PTPRD: variants seen among roughly 807,000 people sequenced by gnomAD.
The protein encoded by PTPRD is receptor-type tyrosine-protein phosphatase delta.
PTPRD carries 34 observed loss-of-function variants against 214.5 expected under a neutral mutation model. The ratio of observed to expected loss-of-function variants is 0.16; its 90% CI spans 0.12 to 0.21. PTPRD has a LOEUF of 0.21. Among genes scored for constraint, PTPRD ranks in the 10% least tolerant of loss-of-function variants. The pLI is 1.00. For synonymous variants in PTPRD, 1,128 were observed against 845.7 expected (o/e 1.33, Z -5.79); for missense variants, 2,545 against 2,398.7 (o/e 1.06, Z -1.27).
At chr9:8,856,032 A>G (rs749947) in intron 11 of PTPRD, among the ~76,000 whole-genome samples, 2,234 of 152,310 alleles carry the variant, frequency 0.015, 45 homozygotes, top group African/African-American at 0.051. Flanking sequence ...AGGTAGGGAA[A>G]ATTTTATTGT....
chr9:9,415,389 A>T (rs1406395259), intron 8 of PTPRD, among the ~76,000 whole-genome samples: 2 of 152,048 alleles, frequency 1.3e-5, no homozygotes, highest in South Asian at 2.1e-4. Flanking sequence ...CACAAGAATT[A>T]CCTGACCCCT....
intron 9 of PTPRD, among the ~76,000 whole-genome samples, chr9:9,338,376 AAAC>A (rs1406311308): frequency 6.6e-6 from 1 of 152,232 alleles, no homozygotes; most frequent in Non-Finnish European, 1.5e-5. Context: ...GGCATATTTT[AAAC>A]AACGAGTTGA....
chr9:10,158,134 G>A (rs898759774), intron 3 of PTPRD, among the ~76,000 whole-genome samples: 2 of 151,756 alleles, frequency 1.3e-5, no homozygotes, highest in South Asian at 2.1e-4. Context: ...TCAGACCCCC[G>A]CTTAACTGGG....
chr9:8,379,046 C>T (rs2084130376), intron 37 of PTPRD, among the ~76,000 whole-genome samples: 1 of 152,050 alleles, frequency 6.6e-6, no homozygotes, highest in Non-Finnish European at 1.5e-5. Context: ...GTGAAAATTT[C>T]TAGCTAAAAG....
chr9:9,430,478 C>A (rs1358080235), intron 8 of PTPRD, among the ~76,000 whole-genome samples: 3 of 151,944 alleles, frequency 2.0e-5, no homozygotes, highest in African/African-American at 7.3e-5. Context: ...CCATACTGCC[C>A]AAAGTAATTT....
chr9:10,100,669 T>C (rs1045336562), intron 3 of PTPRD, among the ~76,000 whole-genome samples: 3 of 151,668 alleles, frequency 2.0e-5, no homozygotes, highest in Non-Finnish European at 4.4e-5. Context: ...TTTTCAAATA[T>C]ATACATGTTG....
chr9:8,578,477 C>T (rs899256535), intron 14 of PTPRD, among the ~76,000 whole-genome samples: 3 of 152,074 alleles, frequency 2.0e-5, no homozygotes, highest in South Asian at 4.1e-4. Context: ...TAATTTAATT[C>T]GGTGTTTGCA....
chr9:9,326,363 G>C (rs920480696), intron 9 of PTPRD, among the ~76,000 whole-genome samples: 1 of 152,040 alleles, frequency 6.6e-6, no homozygotes, highest in African/African-American at 2.4e-5. Context: ...AGAAGGGTTT[G>C]AATGAAACAA....
At chr9:10,451,395 C>G (rs2098840700) in intron 2 of PTPRD, among the ~76,000 whole-genome samples, 1 of 151,564 alleles carries the variant, frequency 6.6e-6, no homozygotes, top group African/African-American at 2.4e-5. Flanking sequence ...TAAAGTCAAT[C>G]CCATGGCAAT....
At chr9:10,296,278 G>A (rs1424337211) in intron 3 of PTPRD, among the ~76,000 whole-genome samples, 1 of 151,890 alleles carries the variant, frequency 6.6e-6, no homozygotes, top group African/African-American at 2.4e-5. Flanking sequence ...AGTTCTTTTG[G>A]ATAAAAATAG....
intron 6 of PTPRD, among the ~76,000 whole-genome samples, chr9:9,742,842 T>C (rs1244685873): frequency 6.6e-6 from 1 of 152,200 alleles, no homozygotes; most frequent in Non-Finnish European, 1.5e-5. Context: ...TAAATTCAAC[T>C]ACTATTGCTA....
chr9:9,426,220 T>G (rs112001710), intron 8 of PTPRD, among the ~76,000 whole-genome samples: 9,813 of 152,220 alleles, frequency 0.064, 352 homozygotes, highest in Middle Eastern at 0.17. Context: ...AATACTGCAC[T>G]TTTCCAACAG....
At chr9:8,324,689 C>A (rs7044532) in intron 44 of PTPRD, among the ~76,000 whole-genome samples, 60,668 of 151,860 alleles carry the variant, frequency 0.4, 16,572 homozygotes, top group African/African-American at 0.77. Context: ...GTCTTCCACA[C>A]TGGTTTAACT....
rs1215017150 is a variant in PTPRD, at chr9:8,686,579, A to AG, written c.64+47200dup. ...ATAGCTCCATTTTAGAAATAAGTGA[A>AG]GGGGGGTCAAACAAGCCAAAAATGT... is the stretch of plus-strand genomic sequence containing the variant. On this transcript the variant is annotated intron_variant, in intron 12 of 45. Transcript: ENST00000381196. Among the ~76,000 whole-genome samples the AG allele has an allele frequency of 3.9e-5, 6 of 152,166 alleles. No individual in the cohort carries two copies. In the South Asian group the frequency reaches 6.2e-4, roughly 16 times the overall value.
At chr9:8,649,015 G>C (rs891938682) in intron 12 of PTPRD, among the ~76,000 whole-genome samples, 6 of 152,172 alleles carry the variant, frequency 3.9e-5, no homozygotes, top group African/African-American at 1.4e-4. Context: ...ACACAGGAAA[G>C]GTAACTGGCT....
At chr9:9,912,912 A>G (rs901936207) in intron 5 of PTPRD, among the ~76,000 whole-genome samples, 1 of 152,176 alleles carries the variant, frequency 6.6e-6, no homozygotes, top group African/African-American at 2.4e-5. Context: ...TGCATCTTAC[A>G]ATTTCCTAAA....
intron 3 of PTPRD, among the ~76,000 whole-genome samples, chr9:10,199,508 G>C (rs2099411136): frequency 6.6e-6 from 1 of 151,958 alleles, no homozygotes. Context: ...TCAAAACAGA[G>C]ACCAGGAATT....
chr9:10,060,897 C>CTTCTTTCTTTCT (rs369686972), intron 3 of PTPRD, among the ~76,000 whole-genome samples: 18 of 70,582 alleles, frequency 2.6e-4, no homozygotes, highest in East Asian at 9.8e-4. Flanking sequence ...TCCTTCCTTC[C>CTTCTTTCTTTCT]TTCTTTCTTT....
intron 3 of PTPRD, among the ~76,000 whole-genome samples, chr9:10,259,447 G>C (rs2093547415): frequency 6.6e-6 from 1 of 152,086 alleles, no homozygotes; most frequent in African/African-American, 2.4e-5. Flanking sequence ...CTTATACAAA[G>C]GCCCCAAAGG....
Sources: allele counts gnomAD v4.1 joint callset (sites outside exome capture counted in the v4.1 genomes callset), GRCh38; gene constraint gnomAD v4.1.1; transcripts MANE v1.5; gene names NCBI Gene and HGNC (gene_info 2026-07-23, HGNC 2026-07-21).